Variants in CTSK observed in about 807,000 individuals in gnomAD.
CTSK encodes the protein cathepsin K, also known as cathepsin O.
In CTSK, 26 loss-of-function variants were observed where a neutral mutation model predicts 40.5. The ratio of observed to expected loss-of-function variants is 0.64; its 90% CI spans 0.47 to 0.89. The LOEUF (loss-of-function observed/expected upper bound fraction) is 0.89, where lower values mean the gene tolerates loss of function less well. Ranked by LOEUF, CTSK falls within the 40% of genes least tolerant of loss-of-function variation. The probability of loss-of-function intolerance (pLI) is 0.00; values close to 1 mark genes in which losing one functional copy is unlikely to be tolerated. For missense variants in CTSK, 292 were observed against 400.1 expected (o/e 0.73, Z 2.30); for synonymous variants, 132 against 143.2 (o/e 0.92, Z 0.56).
intron 2 of CTSK, among the ~76,000 whole-genome samples, chr1:150,806,426 T>C (rs1654094048): frequency 6.6e-6 from 1 of 152,118 alleles, no homozygotes; most frequent in Non-Finnish European, 1.5e-5. Context: ...ACAGAAAAAT[T>C]GCTTATAGAT....
chr1:150,804,524 C>T (rs775562870), intron 4 of CTSK, among the ~76,000 whole-genome samples: 19 of 152,266 alleles, frequency 1.2e-4, no homozygotes, highest in Middle Eastern at 3.4e-3. Context: ...TATGTGACCC[C>T]GGGTAAGTTA....
chr1:150,807,080 T>TCACA (rs1171180978), intron 1 of CTSK, among the ~76,000 whole-genome samples: 770 of 69,628 alleles, frequency 0.011, 6 homozygotes, highest in African/African-American at 0.022. Flanking sequence ...TCTCTCTCTC[T>TCACA]CACACACACA....
At position 150,796,720 on chromosome 1, in the gene CTSK, A is replaced by G. The variant is rs1653882346; in HGVS notation, c.*79T>C. On this transcript the variant is annotated 3_prime_UTR_variant, in exon 8 of 8. Coordinates refer to ENST00000271651, the MANE Select transcript of CTSK (RefSeq NM_000396.4). ...ACATCTGCTTCAAAAATAGCACACCAACTCCCTTCCAAAGTGCATCGTTAC... is the reference window on the plus strand; with the variant it reads ...ACATCTGCTTCAAAAATAGCACACCGACTCCCTTCCAAAGTGCATCGTTAC... The G allele has an allele frequency of 2.0e-6, 2 of 984,280 alleles. No individual in the cohort carries two copies. Among genetic ancestry groups the G allele is most frequent in the African/African-American group, 3.2e-5 (2 of 62,788 alleles). The allele number at this position is 984,280 out of a possible 1,614,324, so 61.0% of individuals were successfully genotyped here.
intron 5 of CTSK, 89 bp from the exon 6 acceptor site, chr1:150,799,798 G>A: frequency 8.3e-7 from 1 of 1,209,850 alleles, no homozygotes. Flanking sequence ...TTTGAGTGAT[G>A]CCAGTGAACT....
At position 150,796,687 on chromosome 1, in the gene CTSK, G is replaced by C. The variant is rs1653881978; in HGVS notation, c.*112C>G. 3.7e-6 allele frequency: 3 copies of C among 820,362 alleles called. No individual in the cohort carries two copies. The highest frequency in any genetic ancestry group is 6.6e-6 in the Non-Finnish European group (3 of 457,266). The allele number at this position is 820,362 out of a possible 1,614,324, so 50.8% of individuals were successfully genotyped here. On this transcript the variant is annotated 3_prime_UTR_variant, in exon 8 of 8. Transcript: ENST00000271651. ...TGGGGAAACTGAACAGACAATCTCA[G>C]TATCACCACATCTGCTTCAAAAATA...
At chr1:150,802,543 G>A (rs990483538) in intron 5 of CTSK, among the ~76,000 whole-genome samples, 7 of 152,054 alleles carry the variant, frequency 4.6e-5, no homozygotes, top group African/African-American at 1.7e-4. Flanking sequence ...CCAGCCTCCT[G>A]AGTAGCTAGA....
rs2101945859 is a variant in CTSK, at chr1:150,796,726, C to T, written c.*73G>A. 2 of 1,052,342 alleles carry T rather than the reference C, an allele frequency of 1.9e-6. No individual in the cohort carries two copies. Among genetic ancestry groups the T allele is most frequent in the East Asian group, 2.4e-5 (1 of 42,374 alleles). The allele number at this position is 1,052,342 out of a possible 1,614,324, so 65.2% of individuals were successfully genotyped here. A position where few individuals can be genotyped will look rare whatever the true frequency, so the allele number is the denominator to read the frequency against. On this transcript the variant is annotated 3_prime_UTR_variant, in exon 8 of 8. Transcript: ENST00000271651. ...GCTTCAAAAATAGCACACCAACTCC[C>T]TTCCAAAGTGCATCGTTACACTGCA...
intron 2 of CTSK, 128 bp downstream of exon 2, chr1:150,806,558 T>G: frequency 3.2e-5 from 39 of 1,200,776 alleles, no homozygotes; most frequent in Non-Finnish European, 4.2e-5. Context: ...TATGTTAACA[T>G]GAGTTAGGGA....
intron 4 of CTSK, 28 bp downstream of exon 4, chr1:150,805,833 T>C (rs1654078815): frequency 2.5e-6 from 4 of 1,613,062 alleles, no homozygotes; most frequent in Admixed American, 1.7e-5. Flanking sequence ...CCAGATTACA[T>C]ATGCACACCC....
At chr1:150,800,641 A>ACTAC (rs1368761597) in intron 5 of CTSK, 1 of 216,200 alleles carries the variant, frequency 4.6e-6, no homozygotes, top group African/African-American at 2.3e-5. Flanking sequence ...TTTCCTACAG[A>ACTAC]CTACCCCTTC....
At chr1:150,805,055 T>A (rs927127395) in intron 4 of CTSK, among the ~76,000 whole-genome samples, 5 of 151,544 alleles carry the variant, frequency 3.3e-5, no homozygotes, top group Non-Finnish European at 7.4e-5. Flanking sequence ...CTACAAAAAA[T>A]TTTTTAAAAT....
In CTSK at chr1:150,799,716, G is replaced by A. The variant is rs1320954671; in HGVS notation, c.619-7C>T. On this transcript the variant is annotated splice_region_variant and splice_polypyrimidine_tract_variant and intron_variant, in intron 5 of 7. Transcript: ENST00000271651. ...TGTACATACAACTCTCTTCCTGGAAGAAACAAGATTGTAATAGGACTAGGA... is the reference window on the plus strand; with the variant it reads ...TGTACATACAACTCTCTTCCTGGAAAAAACAAGATTGTAATAGGACTAGGA... 1.9e-6 allele frequency: 3 copies of A among 1,613,772 alleles called. No individual in the cohort carries two copies. The South Asian group carries it at 3.3e-5, about 18-fold the overall frequency.
At chr1:150,805,209 CAA>C (rs587691920) in intron 4 of CTSK, among the ~76,000 whole-genome samples, 9 of 54,626 alleles carry the variant, frequency 1.6e-4, no homozygotes, top group Admixed American at 2.3e-4. Context: ...GACGCTGTCT[CAA>C]AAAAAAAAAA....
chr1:150,804,183 G>A lies in CTSK; in HGVS notation c.456C>T (p.Leu152=). The change falls in exon 5 of 8, where the codon CTC becomes CTT. Residue 152 remains leucine (L), a synonymous_variant. Coordinates refer to ENST00000271651, the MANE Select transcript of CTSK (RefSeq NM_000396.4). The stretch of plus-strand genomic sequence containing the variant: ...TTAAGAGTTTGCCAGTTTTCTTCTT[G>A]AGTTGGCCCTCCAGGGCACCCACAG... ...FSSVGALEGQ[L]KKKTGKLLNL... 2 of 1,614,154 alleles carry A rather than the reference G, an allele frequency of 1.2e-6. No homozygotes were observed. The highest frequency in any genetic ancestry group is 1.7e-6 in the Non-Finnish European group (2 of 1,180,026).
intron 1 of CTSK, among the ~76,000 whole-genome samples, chr1:150,807,067 GTC>G (rs60084401): frequency 0.04 from 5,171 of 128,456 alleles, 151 homozygotes; most frequent in Middle Eastern, 0.088. Context: ...TTCTCTCTCT[GTC>G]TCTCTCTCTC....
chr1:150,798,316 T>C (rs1557824232), intron 7 of CTSK, among the ~76,000 whole-genome samples: 1 of 152,226 alleles, frequency 6.6e-6, no homozygotes, highest in East Asian at 1.9e-4. Flanking sequence ...CAAAGGAATA[T>C]TAAACCTTTA....
At chr1:150,800,477 A>G (rs1378096384) in intron 5 of CTSK, 1 of 153,240 alleles carries the variant, frequency 6.5e-6, no homozygotes, top group African/African-American at 2.4e-5. Flanking sequence ...AGTACATAAC[A>G]AGACACTAAA....
chr1:150,806,754 G>C lies in CTSK; in HGVS notation c.52C>G (p.Pro18Ala), dbSNP rs1654099874. The C allele has an allele frequency of 3.1e-6, 5 of 1,613,820 alleles. No homozygotes were observed. Among genetic ancestry groups the C allele is most frequent in the Non-Finnish European group, 4.2e-6 (5 of 1,179,990 alleles). ...LLPVVSFALY[P>A]EEILDTHWEL... ...CAGTGGGTGTCCAGTATCTCCTCAG[G>C]GTACAGAGCAAAGCTCACCACAGGT... The change falls in exon 2 of 8, where the codon CCT becomes GCT. Residue 18 changes from proline to alanine, a missense_variant. By Grantham distance (27) the Pro-to-Ala change is conservative. Coordinates refer to ENST00000271651, the MANE Select transcript of CTSK (RefSeq NM_000396.4).
In CTSK at chr1:150,799,692, G is replaced by A. The variant is rs1456698071; in HGVS notation, c.636C>T (p.Tyr212=). ...PYVGQEESCM[Y]NPTGKAAKCR... ...ATTTAGCTGCCTTGCCTGTTGGGTT[G>A]TACATACAACTCTCTTCCTGGAAGA... Residue 212 remains tyrosine, a synonymous_variant, in exon 6 of 8, where the codon TAC becomes TAT. Transcript: ENST00000271651. 6.2e-7 allele frequency: 1 copy of A among 1,614,090 alleles called. No homozygotes were observed.
Sources: allele counts gnomAD v4.1 joint callset (sites outside exome capture counted in the v4.1 genomes callset), GRCh38; gene constraint gnomAD v4.1.1; transcripts MANE v1.5; gene names NCBI Gene and HGNC (gene_info 2026-07-23, HGNC 2026-07-21).